The following ZFHX3 variants were observed in gnomAD, a reference collection of about 807,000 sequenced individuals.
ZFHX3 encodes zinc finger homeobox 3.
Under a neutral mutation model 279.1 loss-of-function variants are expected in ZFHX3, and 42 were observed. The ratio of observed to expected loss-of-function variants is 0.15; its 90% CI spans 0.12 to 0.19. The LOEUF (loss-of-function observed/expected upper bound fraction) is 0.19. ZFHX3 is among the 10% of genes least tolerant of loss of function. ZFHX3 has a pLI of 1.00. For missense variants in ZFHX3, 4,981 were observed against 4,754.0 expected, an observed-to-expected ratio of 1.05 and a Z score of -1.40; for synonymous variants, 2,293 against 1,957.8, an observed-to-expected ratio of 1.17 and a Z score of -4.52.
At chr16:72,995,170 TC>T (rs1357597718) in intron 1 of ZFHX3, among the ~76,000 whole-genome samples, 1 of 152,114 alleles carries the variant, frequency 6.6e-6, no homozygotes, top group East Asian at 1.9e-4. Context: ...CAGAAAATAT[TC>T]TACAGAGTCC....
intron 2 of ZFHX3, among the ~76,000 whole-genome samples, chr16:73,670,025 C>T (rs979863501): frequency 1.3e-5 from 2 of 152,132 alleles, no homozygotes; most frequent in African/African-American, 4.8e-5. Flanking sequence ...AAAATAGCAC[C>T]TGCAGCGACA....
At chr16:73,485,478 GA>G (rs140325871) in intron 2 of ZFHX3, among the ~76,000 whole-genome samples, 2 of 148,674 alleles carry the variant, frequency 1.3e-5, no homozygotes, top group African/African-American at 2.5e-5. Flanking sequence ...TTTTTCTTAA[GA>G]AAAAAATATT....
intron 2 of ZFHX3, among the ~76,000 whole-genome samples, chr16:73,574,931 C>T (rs191528493): frequency 9.8e-5 from 15 of 152,290 alleles, no homozygotes; most frequent in Non-Finnish European, 1.3e-4. Context: ...TCTTCCCCAC[C>T]GACGACGTTC....
intron 8 of ZFHX3, among the ~76,000 whole-genome samples, chr16:73,091,626 C>G (rs966046887): frequency 2.6e-5 from 4 of 152,206 alleles, no homozygotes; most frequent in Non-Finnish European, 5.9e-5. Context: ...GATATTATGA[C>G]CCCAAATAGT....
intron 5 of ZFHX3, among the ~76,000 whole-genome samples, chr16:73,171,258 T>C (rs1264581526): frequency 2.0e-5 from 3 of 151,904 alleles, no homozygotes; most frequent in Non-Finnish European, 2.9e-5. Flanking sequence ...TGAAAAGAAG[T>C]GCTATTAATA....
intron 8 of ZFHX3, among the ~76,000 whole-genome samples, chr16:73,089,266 G>C (rs904318534): frequency 6.6e-6 from 1 of 151,920 alleles, no homozygotes; most frequent in Non-Finnish European, 1.5e-5. Context: ...ACCACCCCCA[G>C]CTAATTTTTG....
At chr16:73,054,938 G>A (rs1396983190) in intron 1 of ZFHX3, among the ~76,000 whole-genome samples, 2 of 151,920 alleles carry the variant, frequency 1.3e-5, no homozygotes, top group African/African-American at 4.8e-5. Context: ...AAAATGTGTT[G>A]CTTGCAGCCA....
intron 4 of ZFHX3, among the ~76,000 whole-genome samples, chr16:72,889,058 T>TGGAG (rs370620894): frequency 7.4e-6 from 1 of 135,550 alleles, no homozygotes; most frequent in African/African-American, 2.8e-5. Flanking sequence ...GAGTCATGGG[T>TGGAG]GGAGGGAGGG....
chr16:73,029,421 C>T (rs1329013985), intron 1 of ZFHX3, among the ~76,000 whole-genome samples: 4 of 152,208 alleles, frequency 2.6e-5, no homozygotes, highest in Non-Finnish European at 5.9e-5. Context: ...TCCTAAAGCT[C>T]CCTTCCCTGA....
intron 3 of ZFHX3, among the ~76,000 whole-genome samples, chr16:73,429,172 C>G (rs1044277408): frequency 3.3e-5 from 5 of 152,120 alleles, no homozygotes; most frequent in African/African-American, 1.2e-4. Context: ...TCACCCTACT[C>G]TGGGGATAGC....
At chr16:73,011,222 G>C (rs890467232) in intron 1 of ZFHX3, among the ~76,000 whole-genome samples, 1 of 151,934 alleles carries the variant, frequency 6.6e-6, no homozygotes, top group African/African-American at 2.4e-5. Flanking sequence ...ACCTCAGGTC[G>C]ATCCGCCTGC....
intron 4 of ZFHX3, among the ~76,000 whole-genome samples, chr16:72,846,023 C>T (rs1026891493): frequency 5.9e-5 from 9 of 152,118 alleles, no homozygotes; most frequent in Admixed American, 3.9e-4. Context: ...TCCATCCATC[C>T]GCCCACCCAT....
At chr16:73,610,979 C>A (rs1307739722) in intron 2 of ZFHX3, among the ~76,000 whole-genome samples, 2 of 152,306 alleles carry the variant, frequency 1.3e-5, no homozygotes, top group Non-Finnish European at 2.9e-5. Context: ...CTGATGGAGG[C>A]TTTGTCAGCC....
chr16:73,771,966 A>C (rs1369664270), intron 1 of ZFHX3, among the ~76,000 whole-genome samples: 2 of 151,868 alleles, frequency 1.3e-5, no homozygotes, highest in Non-Finnish European at 2.9e-5. Flanking sequence ...CAGTCAGTCC[A>C]CTCAAGTTTG....
chr16:73,889,183 G>C (rs537614091), intron 1 of ZFHX3, among the ~76,000 whole-genome samples: 1 of 152,266 alleles, frequency 6.6e-6, no homozygotes, highest in South Asian at 2.1e-4. Context: ...GCCGGTCTTA[G>C]AAGAGGCCAC....
chr16:73,494,071 C>A (rs996164914), intron 2 of ZFHX3, among the ~76,000 whole-genome samples: 7 of 152,094 alleles, frequency 4.6e-5, no homozygotes, highest in Admixed American at 1.3e-4. Context: ...CCCTCAGGGC[C>A]TCTTGAAGCT....
chr16:72,819,142 T>A (rs2036703710), intron 5 of ZFHX3, among the ~76,000 whole-genome samples: 1 of 152,220 alleles, frequency 6.6e-6, no homozygotes, highest in South Asian at 2.1e-4. Context: ...CAGGTGTTAC[T>A]TATTAAGCAG....
chr16:73,141,037 G>A lies in ZFHX3; in HGVS notation c.-1024+2715C>T, dbSNP rs2144833302. Among the ~76,000 whole-genome samples the A allele has an allele frequency of 1.3e-5, 2 of 152,308 alleles. 1 individual carries two copies. The highest frequency in any genetic ancestry group is 1.3e-4 in the Admixed American group (2 of 15,294). On this transcript the variant is annotated intron_variant, in intron 6 of 17. Coordinates refer to the ZFHX3 transcript ENST00000641206. The stretch of plus-strand genomic sequence containing the variant: ...CCATAGCATAATCTTGTAATATGCT[G>A]CCACTTACACTCTACATCTTGAGGT...
intron 1 of ZFHX3, among the ~76,000 whole-genome samples, chr16:73,695,104 G>A (rs1488534097): frequency 6.6e-6 from 1 of 152,196 alleles, no homozygotes; most frequent in Non-Finnish European, 1.5e-5. Context: ...TTAAGGGTAA[G>A]CCACTCCTCC....
Sources: gnomAD v4.1 joint callset for allele counts (sites outside exome capture counted in the v4.1 genomes callset) on GRCh38, gnomAD v4.1.1 for gene constraint, MANE v1.5 for transcripts, NCBI Gene and HGNC (gene_info 2026-07-23, HGNC 2026-07-21) for gene names.